SUCLA2: variants seen among roughly 807,000 people sequenced by gnomAD.
The protein encoded by SUCLA2 is succinate-CoA ligase ADP-forming subunit beta, also known as succinate--CoA ligase [ADP-forming] subunit beta, mitochondrial.
In SUCLA2, 30 loss-of-function variants were observed where a neutral mutation model predicts 54.8. That is an observed-to-expected ratio of 0.55 (90% confidence interval 0.41 to 0.74). SUCLA2 has a LOEUF of 0.74. Ranked by LOEUF, SUCLA2 falls within the 30% of genes least tolerant of loss-of-function variation. The probability of loss-of-function intolerance (pLI) is 0.00; values close to 1 mark genes in which losing one functional copy is unlikely to be tolerated. For missense variants in SUCLA2, 476 were observed against 562.9 expected, an observed-to-expected ratio of 0.85 and a Z score of 1.56; for synonymous variants, 172 against 188.9, an observed-to-expected ratio of 0.91 and a Z score of 0.74.
chr13:47,976,150 G>C (rs1342513376), intron 4 of SUCLA2, among the ~76,000 whole-genome samples: 2 of 152,034 alleles, frequency 1.3e-5, no homozygotes, highest in African/African-American at 4.8e-5. Context: ...TGAAAACTCT[G>C]GACACCAAGG....
At chr13:47,959,991 T>C (rs1300797155) in intron 6 of SUCLA2, among the ~76,000 whole-genome samples, 2 of 152,144 alleles carry the variant, frequency 1.3e-5, no homozygotes, top group Non-Finnish European at 2.9e-5. Flanking sequence ...ATTTCTTGAT[T>C]GCACAAGATG....
chr13:47,989,072 T>C (rs1043653416), intron 2 of SUCLA2, 91 bp from the exon 3 acceptor site: 1 of 1,261,546 alleles, frequency 7.9e-7, no homozygotes, highest in African/African-American at 1.5e-5. Context: ...TGACAGGTGT[T>C]ATTAAATCAA....
chr13:47,980,822 G>C (rs2148243), intron 4 of SUCLA2, among the ~76,000 whole-genome samples: 110,887 of 152,072 alleles, frequency 0.73, 41,376 homozygotes, highest in Non-Finnish European at 0.81. Context: ...AACAATGGTG[G>C]GAAAGCTACA....
In SUCLA2 at chr13:47,955,513, T is replaced by A. The variant is rs1031286538; in HGVS notation, c.803-956A>T. On this transcript the variant is annotated intron_variant, in intron 6 of 10. Transcript: ENST00000646932. ...AACTGAGCCCAACTTGTGCCTGTTT[T>A]CAAATGGCCTGTAAGCTAAGAATGG... Among the ~76,000 whole-genome samples, 10 of 152,302 alleles carry A rather than the reference T, an allele frequency of 6.6e-5. 1 individual carries two copies. Among genetic ancestry groups the A allele is most frequent in the African/African-American group, 2.4e-4 (10 of 41,562 alleles).
chr13:47,964,983 TAA>T (rs3056600), intron 6 of SUCLA2, among the ~76,000 whole-genome samples: 103,435 of 144,742 alleles, frequency 0.71, 37,752 homozygotes, highest in Non-Finnish European at 0.81. Context: ...TTCATTTATT[TAA>T]AAAAAAAAAA....
chr13:47,997,499 T>C (rs965092614), intron 1 of SUCLA2, among the ~76,000 whole-genome samples: 1 of 152,192 alleles, frequency 6.6e-6, no homozygotes, highest in Non-Finnish European at 1.5e-5. Context: ...GTAGTGGATG[T>C]TGCAGTATGC....
intron 8 of SUCLA2, among the ~76,000 whole-genome samples, chr13:47,950,600 A>G (rs1949768298): frequency 6.6e-6 from 1 of 152,144 alleles, no homozygotes; most frequent in Non-Finnish European, 1.5e-5. Flanking sequence ...CATTCTTTCA[A>G]CATCACAATG....
At chr13:47,965,612 A>C (rs1421428077) in intron 6 of SUCLA2, 1 of 398,404 alleles carries the variant, frequency 2.5e-6, no homozygotes, top group Non-Finnish European at 4.4e-6. Context: ...GGATGTGACA[A>C]CTCAATTCAA....
At position 47,949,475 on chromosome 13, in the gene SUCLA2, A is replaced by G; in HGVS notation, c.1228+8T>C. On this transcript the variant is annotated splice_region_variant and intron_variant, in intron 9 of 10. Coordinates refer to ENST00000646932, the MANE Select transcript of SUCLA2 (RefSeq NM_003850.3). ...TAGGAACAACTGCAAGATACCTTTT[A>G]TACTCACCTTGTAACCGTACCACAA... The G allele has an allele frequency of 1.2e-6, 2 of 1,613,428 alleles. No homozygotes were observed. The highest frequency in any genetic ancestry group is 1.7e-6 in the Non-Finnish European group (2 of 1,179,518).
rs527673866 is a variant in SUCLA2, at chr13:47,965,627, T to A, written c.802+2968A>T. 1,181 of 398,382 alleles carry A rather than the reference T, an allele frequency of 3.0e-3. 2 individuals carry two copies. The highest frequency in any genetic ancestry group is 4.5e-3 in the Non-Finnish European group (1,025 of 226,012). 24.7% of individuals were successfully genotyped at this position (398,382 alleles called of 1,614,324 possible). On this transcript the variant is annotated intron_variant, in intron 6 of 10. Transcript: ENST00000646932. ...GGATGTGACAACTCAATTCAATGTG[T>A]GATCCTGGTGGTCCTGGGGAAAAAT... is the stretch of plus-strand genomic sequence containing the variant.
intron 4 of SUCLA2, among the ~76,000 whole-genome samples, chr13:47,981,633 T>C (rs1249838451): frequency 1.3e-5 from 2 of 152,140 alleles, no homozygotes; most frequent in African/African-American, 4.8e-5. Flanking sequence ...CTGGCCAACA[T>C]AGTGAAACCC....
intron 2 of SUCLA2, among the ~76,000 whole-genome samples, chr13:47,995,195 A>AC (rs992340245): frequency 6.6e-6 from 1 of 151,732 alleles, no homozygotes; most frequent in Non-Finnish European, 1.5e-5. Context: ...TCTAAAAAAA[A>AC]TTTTTTTTTG....
chr13:47,954,233 A>G lies in SUCLA2; in HGVS notation c.1014T>C (p.His338=). 6 of 1,613,996 alleles carry G rather than the reference A, an allele frequency of 3.7e-6. No homozygotes were observed. Among genetic ancestry groups the G allele is most frequent in the Non-Finnish European group, 5.1e-6 (6 of 1,179,892 alleles). ...CAAGGAAGTTGGCTGGAGTCCCTCC[A>G]TGAAGTTTTATTATATCCATTGTGG... is the stretch of plus-strand genomic sequence containing the variant. The part of the protein sequence containing the change: ...AMATMDIIKL[H]GGTPANFLDV... Residue 338 remains histidine (H), a synonymous_variant, in exon 8 of 11, where the codon CAT becomes CAC. Coordinates refer to ENST00000646932, the MANE Select transcript of SUCLA2 (RefSeq NM_003850.3).
chr13:47,965,952 G>A (rs1949914926), intron 6 of SUCLA2, among the ~76,000 whole-genome samples: 1 of 152,200 alleles, frequency 6.6e-6, no homozygotes, highest in South Asian at 2.1e-4. Flanking sequence ...GCAAGCTGAG[G>A]CAGAAGAATG....
At position 47,968,511 on chromosome 13, in the gene SUCLA2, T is replaced by G. The variant is rs138767248; in HGVS notation, c.802+84A>C. ...CTACATAGGTAGAAGTTTAACTACT[T>G]TAACTTCTATGATTTAACTTCCTTA... On this transcript the variant is annotated intron_variant, in intron 6 of 10. Transcript: ENST00000646932. 1,089 of 1,538,514 alleles carry G rather than the reference T, an allele frequency of 7.1e-4. 7 individuals are homozygous for G. The African/African-American group carries it at 0.013, about 18-fold the overall frequency.
chr13:47,968,840 ATT>A, intron 5 of SUCLA2, 107 bp from the exon 6 acceptor site: 2 of 1,275,746 alleles, frequency 1.6e-6, no homozygotes, highest in Non-Finnish European at 2.2e-6. Context: ...AACATGAGTC[ATT>A]TATAGTCAAA....
At chr13:48,000,213 G>A (rs1950219744) in intron 1 of SUCLA2, among the ~76,000 whole-genome samples, 1 of 151,382 alleles carries the variant, frequency 6.6e-6, no homozygotes, top group Non-Finnish European at 1.5e-5. Context: ...AGTTACTTCA[G>A]AAAAAAACCC....
intron 4 of SUCLA2, among the ~76,000 whole-genome samples, chr13:47,985,316 G>A (rs1460723428): frequency 2.0e-5 from 3 of 152,058 alleles, no homozygotes; most frequent in Non-Finnish European, 2.9e-5. Flanking sequence ...GTGGTGTGCT[G>A]TACAGATCAT....
intron 6 of SUCLA2, among the ~76,000 whole-genome samples, chr13:47,960,456 A>G (rs1328937896): frequency 6.6e-6 from 1 of 152,188 alleles, no homozygotes; most frequent in East Asian, 1.9e-4. Flanking sequence ...TCTGAACAGT[A>G]CATTATATAT....
Sources: gnomAD v4.1 joint callset for allele counts (sites outside exome capture counted in the v4.1 genomes callset) on GRCh38, gnomAD v4.1.1 for gene constraint, MANE v1.5 for transcripts, NCBI Gene and HGNC (gene_info 2026-07-23, HGNC 2026-07-21) for gene names.